TM9SF4: variants seen among roughly 807,000 people sequenced by gnomAD.
TM9SF4 encodes dinucleotide oxidase disulfide thiol exchanger 3 superfamily member 4.
In TM9SF4, 26 loss-of-function variants were observed where a neutral mutation model predicts 90.4. The observed-to-expected ratio is 0.29, with a 90% CI of 0.21 to 0.40. The LOEUF (loss-of-function observed/expected upper bound fraction) is 0.40. Among genes scored for constraint, TM9SF4 ranks in the 10% least tolerant of loss-of-function variants. The pLI is 1.00. For synonymous variants in TM9SF4, 293 were observed against 315.4 expected (o/e 0.93, Z 0.75); for missense variants, 549 against 834.8 (o/e 0.66, Z 4.22).
intron 1 of TM9SF4, among the ~76,000 whole-genome samples, chr20:32,115,877 G>T (rs950469399): frequency 1.5e-5 from 2 of 136,262 alleles, no homozygotes; most frequent in African/African-American, 5.6e-5. Context: ...GCAATGGTGC[G>T]ATCTCAGCTC....
Position 32,160,085 on chromosome 20 carries a change from A to G in TM9SF4, c.1663A>G (p.Met555Val), listed in dbSNP as rs767469089. ...VVSCSQISIV[M>V]VYFQLCAEDY... ...ATCCTGTTCACAAATCAGCATCGTC[A>G]TGGTGTACTTCCAGCTGTGTGCAGA... The change falls in exon 16 of 18, where the codon ATG becomes GTG. Residue 555 changes from methionine (M) to valine (V), a missense_variant. Coordinates refer to ENST00000398022, the MANE Select transcript of TM9SF4 (RefSeq NM_014742.4). 3 of 1,613,980 alleles carry G rather than the reference A, an allele frequency of 1.9e-6. No individual in the cohort carries two copies. The highest frequency in any genetic ancestry group is 2.7e-5 in the African/African-American group (2 of 74,886).
intron 1 of TM9SF4, among the ~76,000 whole-genome samples, chr20:32,112,103 G>A (rs1300408837): frequency 1.3e-5 from 2 of 152,164 alleles, no homozygotes; most frequent in Non-Finnish European, 2.9e-5. Flanking sequence ...TTTAGTCTAA[G>A]CACAGTGGAA....
At chr20:32,155,501 G>A (rs1411296365) in intron 13 of TM9SF4, among the ~76,000 whole-genome samples, 1 of 152,232 alleles carries the variant, frequency 6.6e-6, no homozygotes, top group African/African-American at 2.4e-5. Context: ...GAGCTGCCCA[G>A]TGTGAGTTTA....
At chr20:32,118,481 T>A (rs892812207) in intron 1 of TM9SF4, among the ~76,000 whole-genome samples, 1 of 142,344 alleles carries the variant, frequency 7.0e-6, no homozygotes, top group African/African-American at 2.6e-5. Flanking sequence ...CAGGTTGGAG[T>A]GCAGTGGTGG....
In TM9SF4 at chr20:32,145,227, C is replaced by T. The variant is rs1037300581; in HGVS notation, c.771+18C>T. 2 of 1,613,750 alleles carry T rather than the reference C, an allele frequency of 1.2e-6. No homozygotes were observed. The highest frequency in any genetic ancestry group is 1.3e-5 in the African/African-American group (1 of 75,050). On this transcript the variant is annotated intron_variant, in intron 7 of 17. Transcript: ENST00000398022. ...ACTGGGAGGTGAGAAGGGGCTGGAGCTCATGGGCAGGGGAGGAGGGCTCTG... is the reference window on the plus strand; with the variant it reads ...ACTGGGAGGTGAGAAGGGGCTGGAGTTCATGGGCAGGGGAGGAGGGCTCTG...
intron 1 of TM9SF4, among the ~76,000 whole-genome samples, chr20:32,123,866 A>ATATATTTTTTTTTTTTTTTT: frequency 4.3e-5 from 4 of 93,962 alleles, no homozygotes; most frequent in Admixed American, 2.4e-4. Context: ...ATATATATAT[A>ATATATTTTTTTTTTTTTTTT]TTTTTTTTTT....
At chr20:32,155,214 C>A in intron 13 of TM9SF4, 28 bp downstream of exon 13, 1 of 1,587,498 alleles carries the variant, frequency 6.3e-7, no homozygotes, top group Non-Finnish European at 8.7e-7. Context: ...CCTTCCAGCC[C>A]CTCCCCAGCA....
Position 32,133,105 on chromosome 20 carries a change from G to T in TM9SF4, c.108G>T (p.Gln36His), listed in dbSNP as rs745923695. Reference protein sequence around the residue: ...VPGVAPINFHQNDPVEIKAVK... With the variant: ...VPGVAPINFHHNDPVEIKAVK... ...GGGTCGCGCCTATCAACTTCCACCA[G>T]AACGATCCCGTAGAAATCAAGGTAA... is the stretch of plus-strand genomic sequence containing the variant. The change falls in exon 2 of 18, where the codon CAG (glutamine) becomes CAT (histidine). Residue 36 changes from glutamine to histidine, a missense_variant. By Grantham distance (24) the Gln-to-His change is conservative. This residue lies in a region of TM9SF4 where 495 missense variants were observed against 711.7 expected (regional missense o/e 0.70). Coordinates refer to ENST00000398022, the MANE Select transcript of TM9SF4 (RefSeq NM_014742.4). 4 of 1,614,148 alleles carry T rather than the reference G, an allele frequency of 2.5e-6. No homozygotes were observed. In the Admixed American group the frequency reaches 5.0e-5, roughly 20 times the overall value.
chr20:32,156,318 C>T (rs1317022212), intron 13 of TM9SF4, among the ~76,000 whole-genome samples: 2 of 152,160 alleles, frequency 1.3e-5, no homozygotes, highest in African/African-American at 4.8e-5. Context: ...TCTAATCCCC[C>T]ATATCCCATC....
intron 17 of TM9SF4, among the ~76,000 whole-genome samples, chr20:32,164,199 C>G (rs573071719): frequency 6.6e-6 from 1 of 152,022 alleles, no homozygotes; most frequent in Non-Finnish European, 1.5e-5. Context: ...CCCACCCCTC[C>G]CCCGACCACC....
At chr20:32,112,693 C>CAAAAAAAAAAAA (rs11406793) in intron 1 of TM9SF4, among the ~76,000 whole-genome samples, 1 of 121,702 alleles carries the variant, frequency 8.2e-6, no homozygotes. Context: ...GACCCTATCT[C>CAAAAAAAAAAAA]AAAAAAAAAA....
At chr20:32,139,620 A>G (rs1226608732) in intron 3 of TM9SF4, among the ~76,000 whole-genome samples, 1 of 152,224 alleles carries the variant, frequency 6.6e-6, no homozygotes, top group Non-Finnish European at 1.5e-5. Flanking sequence ...AGCCAGAATG[A>G]TCTTTCTGGA....
chr20:32,121,610 A>G (rs1600782400), intron 1 of TM9SF4, among the ~76,000 whole-genome samples: 1 of 152,054 alleles, frequency 6.6e-6, no homozygotes, highest in African/African-American at 2.4e-5. Flanking sequence ...TTCTTTCTAC[A>G]CAGACAAGGC....
At position 32,118,954 on chromosome 20, in the gene TM9SF4, T is replaced by A. The variant is rs1042577141; in HGVS notation, c.15+9199T>A. On this transcript the variant is annotated intron_variant, in intron 1 of 17. Transcript: ENST00000398022. ...ATGTATTTATTTTTAATAAGGGTGA[T>A]CCATGTATGTGGAAAAGAGTATTAA... Among the ~76,000 whole-genome samples, 5 of 152,272 alleles carry A rather than the reference T, an allele frequency of 3.3e-5. No homozygotes were observed. The South Asian group carries it at 1.0e-3, about 32-fold the overall frequency.
intron 1 of TM9SF4, among the ~76,000 whole-genome samples, chr20:32,126,980 C>T (rs1356867011): frequency 4.6e-5 from 7 of 152,234 alleles, no homozygotes; most frequent in Non-Finnish European, 8.8e-5. Flanking sequence ...GTGAACCGCC[C>T]GCCTCGGCCT....
At chr20:32,137,834 C>T (rs1357952833) in intron 3 of TM9SF4, among the ~76,000 whole-genome samples, 1 of 152,192 alleles carries the variant, frequency 6.6e-6, no homozygotes, top group African/African-American at 2.4e-5. Flanking sequence ...CTTAGTAATT[C>T]TCACAATAGC....
At position 32,165,691 on chromosome 20, in the gene TM9SF4, GA is replaced by G. The variant is rs2047090047; in HGVS notation, c.*250del. On this transcript the variant is annotated 3_prime_UTR_variant, in exon 18 of 18. Coordinates refer to ENST00000398022, the MANE Select transcript of TM9SF4 (RefSeq NM_014742.4). ...TGGGTTGCTTTTTCTTCAGTGCTAA[GA>G]AAGTTCCCTCCAACAGGAACTCTCT... 6.0e-6 allele frequency: 3 copies of G among 501,752 alleles called. No individual in the cohort carries two copies. Among genetic ancestry groups the G allele is most frequent in the African/African-American group, 5.7e-5 (3 of 52,274 alleles). The allele number at this position is 501,752 out of a possible 1,614,324, so 31.1% of individuals were successfully genotyped here.
intron 1 of TM9SF4, among the ~76,000 whole-genome samples, chr20:32,115,875 G>GC (rs1470867966): frequency 1.5e-5 from 2 of 133,502 alleles, no homozygotes; most frequent in African/African-American, 5.7e-5. Flanking sequence ...GTGCAATGGT[G>GC]CGATCTCAGC....
chr20:32,147,130 C>T (rs562395428), intron 9 of TM9SF4, among the ~76,000 whole-genome samples: 49 of 152,100 alleles, frequency 3.2e-4, no homozygotes, highest in African/African-American at 1.1e-3. Flanking sequence ...CAGGCACGCA[C>T]CACCACACCT....
Sources: allele counts gnomAD v4.1 joint callset (sites outside exome capture counted in the v4.1 genomes callset), GRCh38; gene constraint gnomAD v4.1.1; regional missense constraint gnomAD v4.1.1; transcripts MANE v1.5; gene names NCBI Gene and HGNC (gene_info 2026-07-23, HGNC 2026-07-21).